Variants in TMEM218 observed in about 807,000 individuals in gnomAD.
The protein encoded by TMEM218 is transmembrane protein 218.
Under a neutral mutation model 10.0 loss-of-function variants are expected in TMEM218, and 8 were observed. That is an observed-to-expected ratio of 0.80 (90% CI 0.47 to 1.44). The LOEUF (loss-of-function observed/expected upper bound fraction) is 1.44. TMEM218 is among the 40% of genes most tolerant of loss of function. TMEM218 has a pLI of 0.00. For missense variants in TMEM218, 110 were observed against 140.1 expected, an observed-to-expected ratio of 0.79 and a Z score of 1.08; for synonymous variants, 66 against 63.5, an observed-to-expected ratio of 1.04 and a Z score of -0.18.
chr11:125,104,664 C>A (rs184495115), intron 1 of TMEM218: 1 of 152,180 alleles, frequency 6.6e-6, no homozygotes, highest in African/African-American at 2.4e-5. Context: ...TTATGCACAA[C>A]AAGTATCTGT....
chr11:125,095,508 T>C lies in TMEM218; in HGVS notation c.*2098A>G, dbSNP rs11219898. Among the ~76,000 whole-genome samples the C allele has an allele frequency of 0.15, 22,999 of 152,184 alleles. 2,201 individuals are homozygous for C. The highest frequency in any genetic ancestry group is 0.22 in the Non-Finnish European group (14,623 of 67,970). On this transcript the variant is annotated 3_prime_UTR_variant, in exon 5 of 5. Coordinates refer to ENST00000682305, the MANE Select transcript of TMEM218 (RefSeq NM_001258244.2). ...CCAACCCTGCGGGGCTTTTTTTGCA[T>C]AACTGCATTGAGTATGCAGGTAGAA...
chr11:125,097,785 C>A (rs1213648899), intron 4 of TMEM218, 45 bp from the exon 5 acceptor site: 5 of 1,589,472 alleles, frequency 3.1e-6, no homozygotes, highest in Non-Finnish European at 4.3e-6. Context: ...CAGTTAGACA[C>A]CCTGGCTGGG....
intron 1 of TMEM218, among the ~76,000 whole-genome samples, chr11:125,109,667 T>C (rs1264816045): frequency 6.6e-6 from 1 of 152,230 alleles, no homozygotes; most frequent in Non-Finnish European, 1.5e-5. Context: ...TAAGAGATGA[T>C]GAGGGTCTGA....
intron 1 of TMEM218, chr11:125,105,027 C>A (rs1201486582): frequency 6.6e-6 from 1 of 152,168 alleles, no homozygotes. Flanking sequence ...CCCACGATGG[C>A]AAAGAACTAG....
intron 1 of TMEM218, among the ~76,000 whole-genome samples, chr11:125,107,398 AC>A (rs1247742588): frequency 2.6e-5 from 4 of 152,116 alleles, no homozygotes; most frequent in Non-Finnish European, 5.9e-5. Context: ...TAGTATATGG[AC>A]CCTTATTTGG....
rs1158652254 is a variant in TMEM218, at chr11:125,094,539, G to A, written c.*3067C>T. 6.6e-6 allele frequency among the ~76,000 whole-genome samples: 1 copy of A among 152,212 alleles called. No individual in the cohort carries two copies. The highest frequency in any genetic ancestry group is 2.4e-5 in the African/African-American group (1 of 41,458). On this transcript the variant is annotated 3_prime_UTR_variant, in exon 5 of 5. Transcript: ENST00000682305. ...GTGATCTTTCAACTATTTGAGAAAT[G>A]AGATGTCAGGAATCCTGATGTCAAG...
rs1460192590 is a variant in TMEM218 at position 125,096,024 on chromosome 11, C to CT, written c.*1581dup. Among the ~76,000 whole-genome samples the CT allele has an allele frequency of 6.6e-6, 1 of 152,156 alleles. No homozygotes were observed. On this transcript the variant is annotated 3_prime_UTR_variant, in exon 5 of 5. Coordinates refer to ENST00000682305, the MANE Select transcript of TMEM218 (RefSeq NM_001258244.2). ...TCAATTCCCTCAAGACTTATGCATT[C>CT]TTTTTTCTCTCCCTCAATCTGCTTA...
intron 4 of TMEM218, among the ~76,000 whole-genome samples, chr11:125,100,076 C>T (rs1269624999): frequency 6.6e-6 from 1 of 152,162 alleles, no homozygotes; most frequent in Admixed American, 6.5e-5. Flanking sequence ...GTACTATTTC[C>T]CTTGGAGTTT....
Position 125,095,640 on chromosome 11 carries a change from T to C in TMEM218, c.*1966A>G, listed in dbSNP as rs1419620107. On this transcript the variant is annotated 3_prime_UTR_variant, in exon 5 of 5. Coordinates refer to ENST00000682305, the MANE Select transcript of TMEM218 (RefSeq NM_001258244.2). ...AACTTTGCACAGGGTATTTTTTTTT[T>C]TTTCCTAAAGCCAATCTTTAACATA... Among the ~76,000 whole-genome samples the C allele has an allele frequency of 6.6e-6, 1 of 152,064 alleles. No homozygotes were observed. The highest frequency in any genetic ancestry group is 1.9e-4 in the East Asian group (1 of 5,188).
At position 125,094,901 on chromosome 11, in the gene TMEM218, G is replaced by A. The variant is rs551922361; in HGVS notation, c.*2705C>T. Among the ~76,000 whole-genome samples the A allele has an allele frequency of 2.1e-4, 32 of 152,222 alleles. 1 individual carries two copies. The highest frequency in any genetic ancestry group is 5.8e-4 in the African/African-American group (24 of 41,538). On this transcript the variant is annotated 3_prime_UTR_variant, in exon 5 of 5. Coordinates refer to ENST00000682305, the MANE Select transcript of TMEM218 (RefSeq NM_001258244.2). The stretch of plus-strand genomic sequence containing the variant: ...CCAGGACTAGTGCTTTACACCCTAC[G>A]GGCACACAATATATGCTGAATGAAT...
Position 125,097,697 on chromosome 11 carries a change from A to C in TMEM218, c.257T>G (p.Phe86Cys). The C allele has an allele frequency of 6.2e-6, 10 of 1,614,172 alleles. No individual in the cohort carries two copies. Among genetic ancestry groups the C allele is most frequent in the Non-Finnish European group, 8.5e-6 (10 of 1,180,004 alleles). Residue 86 changes from phenylalanine (F) to cysteine (C), a missense_variant, in exon 5 of 5, where the codon TTC becomes TGC. Transcript: ENST00000682305. Reference protein sequence around the residue: ...FFIGRYVLLAFLSAIFLGGLF... With the variant: ...FFIGRYVLLACLSAIFLGGLF... ...GCCTCCAAGGAAGATGGCACTAAGG[A>C]AAGCCAGCAGGACATAGCGGCCAAT...
At chr11:125,100,669 G>A (rs1384673510) in intron 4 of TMEM218, among the ~76,000 whole-genome samples, 7 of 152,188 alleles carry the variant, frequency 4.6e-5, no homozygotes, top group African/African-American at 1.4e-4. Flanking sequence ...AAAGACATGG[G>A]TGCTGGCAGG....
chr11:125,102,891 C>T lies in TMEM218; in HGVS notation c.-152-82G>A, dbSNP rs530448981. ...CGTACAAACATATCTCATTGAATCC[C>T]GGAGCGAAGCTTCTGAGAAAGGTAT... is the stretch of plus-strand genomic sequence containing the variant. On this transcript the variant is annotated intron_variant, in intron 1 of 4. Transcript: ENST00000682305. 3.3e-4 allele frequency: 118 copies of T among 361,424 alleles called. 1 individual carries two copies. The highest frequency in any genetic ancestry group is 1.0e-3 in the Middle Eastern group (1 of 982). The allele number at this position is 361,424 out of a possible 1,614,324, so 22.4% of individuals were successfully genotyped here. A position where few individuals can be genotyped will look rare whatever the true frequency, so the allele number is the denominator to read the frequency against.
At position 125,095,252 on chromosome 11, in the gene TMEM218, C is replaced by T. The variant is rs904856674; in HGVS notation, c.*2354G>A. Among the ~76,000 whole-genome samples the T allele has an allele frequency of 5.3e-5, 8 of 152,202 alleles. No homozygotes were observed. Among genetic ancestry groups the T allele is most frequent in the African/African-American group, 1.7e-4 (7 of 41,460 alleles). ...GGGGATCACCAGTCTGCCACAGGAT[C>T]CCCTCTGGGTAGGGAACAGTAGAGG... is the stretch of plus-strand genomic sequence containing the variant. On this transcript the variant is annotated 3_prime_UTR_variant, in exon 5 of 5. Coordinates refer to ENST00000682305, the MANE Select transcript of TMEM218 (RefSeq NM_001258244.2).
chr11:125,097,477 T>C lies in TMEM218; in HGVS notation c.*129A>G. On this transcript the variant is annotated 3_prime_UTR_variant, in exon 5 of 5. Transcript: ENST00000682305. ...CCAGGACTCCAGAGATTTGTCTTAG[T>C]GATGGACAGATACTCCTCTAACCTT... 9.6e-7 allele frequency: 1 copy of C among 1,041,944 alleles called. No homozygotes were observed. The allele number at this position is 1,041,944 out of a possible 1,614,324, so 64.5% of individuals were successfully genotyped here.
At chr11:125,099,314 C>T (rs1374048076) in intron 4 of TMEM218, among the ~76,000 whole-genome samples, 1 of 152,218 alleles carries the variant, frequency 6.6e-6, no homozygotes, top group Non-Finnish European at 1.5e-5. Context: ...GCTCGTTCGA[C>T]ACGTTTCACT....
chr11:125,106,528 A>G (rs1157510413), intron 1 of TMEM218, among the ~76,000 whole-genome samples: 1 of 152,250 alleles, frequency 6.6e-6, no homozygotes, highest in Admixed American at 6.5e-5. Context: ...GCAGATAAAA[A>G]AAGAATAAAC....
At chr11:125,101,820 G>A in intron 3 of TMEM218, 1 of 482,586 alleles carries the variant, frequency 2.1e-6, no homozygotes, top group Admixed American at 3.9e-5. Context: ...TCGGGTACTG[G>A]ACCAAGCCTC....
rs368306313 is a variant in TMEM218 at position 125,102,288 on chromosome 11, C to T, written c.-47G>A. 5.6e-6 allele frequency: 9 copies of T among 1,593,386 alleles called. No individual in the cohort carries two copies. Among genetic ancestry groups the T allele is most frequent in the African/African-American group, 4.0e-5 (3 of 74,332 alleles). Reference sequence around the variant, plus strand: ...CCCCCCGCCCTGCGCGCCGCACGATCGAGTGTCCTCTGTGCTCCAGTGCAA... The same window carrying T: ...CCCCCCGCCCTGCGCGCCGCACGATTGAGTGTCCTCTGTGCTCCAGTGCAA... On this transcript the variant is annotated 5_prime_UTR_variant, in exon 3 of 5. Coordinates refer to ENST00000682305, the MANE Select transcript of TMEM218 (RefSeq NM_001258244.2).
Sources: allele counts gnomAD v4.1 joint callset (sites outside exome capture counted in the v4.1 genomes callset), GRCh38; gene constraint gnomAD v4.1.1; transcripts MANE v1.5; gene names NCBI Gene and HGNC (gene_info 2026-07-23, HGNC 2026-07-21).